The following PIK3C3 variants were observed in gnomAD, a reference collection of about 807,000 sequenced individuals.
PIK3C3 encodes PI3-kinase type 3.
A neutral mutation model predicts 126.1 loss-of-function variants in PIK3C3; 95 were observed. The observed-to-expected ratio is 0.75, with a 90% CI of 0.64 to 0.89. The LOEUF is 0.89. Ranked by LOEUF, PIK3C3 falls within the 40% of genes least tolerant of loss-of-function variation. PIK3C3 has a pLI of 0.00. For synonymous variants in PIK3C3, 374 were observed against 360.0 expected (o/e 1.04, Z -0.44); for missense variants, 829 against 1,063.2 (o/e 0.78, Z 3.06).
chr18:42,055,954 C>T (rs1008850145), intron 21 of PIK3C3, among the ~76,000 whole-genome samples: 2 of 152,192 alleles, frequency 1.3e-5, no homozygotes, highest in South Asian at 4.1e-4. Flanking sequence ...GCACCTCTTA[C>T]TCCCTATGTT....
rs35346980 is a variant in PIK3C3 at position 42,085,935 on chromosome 18, T to TTGTGTGTGTGTGTGTG, written c.*4802_*4817dup. On this transcript the variant is annotated 3_prime_UTR_variant, in exon 25 of 25. Coordinates refer to ENST00000262039, the MANE Select transcript of PIK3C3 (RefSeq NM_002647.4). ...ACTCCATCTCTTCAAAAATATATAT[T>TTGTGTGTGTGTGTGTG]TGTGTGTGTGTGTGTGTGTATGTGC... 1 of 111,488 alleles carries TTGTGTGTGTGTGTGTG rather than the reference T, an allele frequency of 9.0e-6. No individual in the cohort carries two copies. The highest frequency in any genetic ancestry group is 4.7e-5 in the African/African-American group (1 of 21,136). The allele number at this position is 111,488 out of a possible 1,614,324, so 6.9% of individuals were successfully genotyped here.
rs188410403 is a variant in PIK3C3, at chr18:42,004,235, A to T, written c.985-121A>T. 2.6e-4 allele frequency: 175 copies of T among 677,740 alleles called. No individual in the cohort carries two copies. In the African/African-American group the frequency reaches 2.7e-3, roughly 10 times the overall value. The allele number at this position is 677,740 out of a possible 1,614,324, so 42.0% of individuals were successfully genotyped here. On this transcript the variant is annotated intron_variant, in intron 9 of 24. Transcript: ENST00000262039. ...ATATATAACTTCATTTAGTGCTTAC[A>T]CAAGGAGTCTATCACTGACTCCGTG...
chr18:42,003,132 G>A (rs756710867), intron 9 of PIK3C3, among the ~76,000 whole-genome samples: 2 of 152,068 alleles, frequency 1.3e-5, no homozygotes, highest in African/African-American at 2.4e-5. Flanking sequence ...CCATAGTGCC[G>A]TTTTTCTTAA....
At chr18:42,074,171 T>C (rs936896768) in intron 24 of PIK3C3, among the ~76,000 whole-genome samples, 1 of 152,182 alleles carries the variant, frequency 6.6e-6, no homozygotes, top group Admixed American at 6.5e-5. Flanking sequence ...AACCCTAGTC[T>C]GTTAGTCTTA....
chr18:41,975,589 T>C (rs986156254), intron 4 of PIK3C3, among the ~76,000 whole-genome samples: 4 of 152,184 alleles, frequency 2.6e-5, no homozygotes, highest in Admixed American at 6.5e-5. Context: ...CAAGATACTT[T>C]GGAAATGTAA....
chr18:42,017,449 A>G (rs1456252105), intron 12 of PIK3C3, among the ~76,000 whole-genome samples: 1 of 152,146 alleles, frequency 6.6e-6, no homozygotes, highest in East Asian at 1.9e-4. Context: ...ATAGCATTAT[A>G]CATAAGTTAC....
intron 3 of PIK3C3, among the ~76,000 whole-genome samples, chr18:41,968,203 A>T (rs1171556392): frequency 6.6e-6 from 1 of 152,198 alleles, no homozygotes. Flanking sequence ...TCAGCCAGCC[A>T]AAGTATTCAC....
chr18:41,970,259 G>T (rs924482861), intron 3 of PIK3C3, 68 bp from the exon 4 acceptor site: 7 of 1,310,432 alleles, frequency 5.3e-6, no homozygotes, highest in African/African-American at 1.5e-5. Context: ...TTATTTTTAG[G>T]AATCTAAAAT....
intron 24 of PIK3C3, among the ~76,000 whole-genome samples, chr18:42,077,758 A>G (rs551809590): frequency 2.7e-4 from 41 of 152,306 alleles, no homozygotes; most frequent in African/African-American, 9.4e-4. Flanking sequence ...ACCTCCTCCT[A>G]TGAATCTCAA....
At chr18:42,026,684 T>TG (rs1205993847) in intron 13 of PIK3C3, 1 of 152,070 alleles carries the variant, frequency 6.6e-6, no homozygotes, top group East Asian at 1.9e-4. Context: ...TGATCCTCCT[T>TG]CCTAGGCCTC....
chr18:42,057,747 C>T (rs958816198), intron 21 of PIK3C3, 136 bp from the exon 22 acceptor site: 54 of 733,262 alleles, frequency 7.4e-5, no homozygotes, highest in East Asian at 1.4e-4. Context: ...TTAGAAATAT[C>T]GAAGAATTTA....
At chr18:42,042,767 A>G (rs1344330895) in intron 19 of PIK3C3, among the ~76,000 whole-genome samples, 1 of 152,174 alleles carries the variant, frequency 6.6e-6, no homozygotes, top group African/African-American at 2.4e-5. Context: ...GTTTTTCGAT[A>G]ATTAAAAGTT....
intron 21 of PIK3C3, among the ~76,000 whole-genome samples, chr18:42,053,344 G>C (rs1163237610): frequency 6.6e-6 from 1 of 152,078 alleles, no homozygotes; most frequent in Non-Finnish European, 1.5e-5. Flanking sequence ...AATACTTCTA[G>C]CTTGGTTGAA....
chr18:41,981,861 A>G lies in PIK3C3; in HGVS notation c.532-5951A>G, dbSNP rs555213963. 2.0e-5 allele frequency among the ~76,000 whole-genome samples: 3 copies of G among 151,456 alleles called. No homozygotes were observed. In the South Asian group the frequency reaches 6.3e-4, roughly 32 times the overall value. On this transcript the variant is annotated intron_variant, in intron 4 of 24. Coordinates refer to ENST00000262039, the MANE Select transcript of PIK3C3 (RefSeq NM_002647.4). ...CATGGTGGTGCATGCCTGTAATCCC[A>G]GCTACTCGGGAGGCTGAGGCAGGAA...
At chr18:41,980,731 C>G (rs942341832) in intron 4 of PIK3C3, among the ~76,000 whole-genome samples, 1 of 151,576 alleles carries the variant, frequency 6.6e-6, no homozygotes, top group Admixed American at 6.6e-5. Context: ...ATCTCATTTT[C>G]TCAAAAACAG....
intron 16 of PIK3C3, 67 bp downstream of exon 16, chr18:42,034,024 C>T (rs1206587166): frequency 2.7e-6 from 3 of 1,094,614 alleles, no homozygotes; most frequent in African/African-American, 3.2e-5. Flanking sequence ...AGAGATACTA[C>T]CTTGGAAAAC....
chr18:42,059,153 T>G (rs1985204140), intron 22 of PIK3C3, among the ~76,000 whole-genome samples: 1 of 152,228 alleles, frequency 6.6e-6, no homozygotes, highest in Middle Eastern at 3.2e-3. Flanking sequence ...AGGAGACTGG[T>G]TTTCTTACAG....
chr18:42,056,658 G>A (rs1985079513), intron 21 of PIK3C3, among the ~76,000 whole-genome samples: 1 of 152,120 alleles, frequency 6.6e-6, no homozygotes, highest in African/African-American at 2.4e-5. Flanking sequence ...AGATATATGA[G>A]AACTTCAAAA....
At chr18:41,996,523 T>G (rs1437013537) in intron 8 of PIK3C3, 115 bp from the exon 9 acceptor site, 1 of 475,180 alleles carries the variant, frequency 2.1e-6, no homozygotes. Flanking sequence ...TTTCCTTGCT[T>G]GTGTAATAAT....
Sources: allele counts gnomAD v4.1 joint callset (sites outside exome capture counted in the v4.1 genomes callset), GRCh38; gene constraint gnomAD v4.1.1; transcripts MANE v1.5; gene names NCBI Gene and HGNC (gene_info 2026-07-23, HGNC 2026-07-21).